Variants in KLHL13 observed in about 807,000 individuals in gnomAD.
KLHL13 encodes kelch-like protein 13.
Under a neutral mutation model 37.1 loss-of-function variants are expected in KLHL13, and 10 were observed. The observed-to-expected ratio is 0.27, with a 90% CI of 0.17 to 0.46. The LOEUF (loss-of-function observed/expected upper bound fraction) is 0.46. Ranked by LOEUF, KLHL13 falls within the 20% of genes least tolerant of loss-of-function variation. KLHL13 has a pLI of 1.00. For missense variants in KLHL13, 360 were observed against 509.3 expected, an observed-to-expected ratio of 0.71 and a Z score of 2.82; for synonymous variants, 163 against 181.2, an observed-to-expected ratio of 0.90 and a Z score of 0.81.
chrX:117,973,888 G>A, upstream of KLHL13: 1 of 187,707 alleles, frequency 5.3e-6, no homozygotes, highest in Non-Finnish European at 7.5e-6. Context: ...GACCAACACT[G>A]CTGGCCAAGC....
intron 2 of KLHL13, among the ~76,000 whole-genome samples, chrX:117,923,655 T>C (rs1000075131): frequency 8.9e-6 from 1 of 111,825 alleles, no homozygotes; most frequent in Non-Finnish European, 1.9e-5. Context: ...CATATTACTT[T>C]TTTTTCCCTC....
chrX:117,978,537 C>A (rs2053619772), upstream of KLHL13, among the ~76,000 whole-genome samples: 1 of 111,003 alleles, frequency 9.0e-6, no homozygotes, highest in Non-Finnish European at 1.9e-5. Flanking sequence ...TTACATAATA[C>A]TTTTTATAGT....
intron 1 of KLHL13, among the ~76,000 whole-genome samples, chrX:117,987,913 T>C (rs1401370818): frequency 1.8e-5 from 2 of 111,886 alleles, no homozygotes; most frequent in African/African-American, 3.2e-5. Flanking sequence ...AGTTGGTGAA[T>C]GTGCCACATT....
At chrX:117,904,092 G>A (rs942460422) in intron 5 of KLHL13, among the ~76,000 whole-genome samples, 4 of 110,299 alleles carry the variant, frequency 3.6e-5, no homozygotes, top group African/African-American at 9.9e-5. Context: ...TCACACAGGA[G>A]GCCCTCAGTT....
intron 1 of KLHL13, among the ~76,000 whole-genome samples, chrX:118,069,970 T>A (rs1457303204): frequency 8.9e-6 from 1 of 111,992 alleles, no homozygotes; most frequent in African/African-American, 3.2e-5. Flanking sequence ...TATACCATAT[T>A]TTACCATACC....
intron 1 of KLHL13, among the ~76,000 whole-genome samples, chrX:118,037,890 C>G (rs1011302559): frequency 2.7e-5 from 3 of 111,369 alleles, no homozygotes; most frequent in African/African-American, 9.8e-5. Flanking sequence ...ATGAGGATAG[C>G]CAGAGTGAAC....
At chrX:118,035,450 A>G (rs2054425590) in intron 1 of KLHL13, among the ~76,000 whole-genome samples, 1 of 109,934 alleles carries the variant, frequency 9.1e-6, no homozygotes. Flanking sequence ...ACGCAAATCA[A>G]TAAATGTAAT....
chrX:117,901,767 T>C (rs1930108029), intron 6 of KLHL13, 66 bp downstream of exon 7: 1 of 521,118 alleles, frequency 1.9e-6, no homozygotes, highest in African/African-American at 2.4e-5. Flanking sequence ...ACTACCACTA[T>C]ATGGAAAGAT....
chrX:118,054,401 T>C (rs1418022662), intron 1 of KLHL13, among the ~76,000 whole-genome samples: 5 of 111,475 alleles, frequency 4.5e-5, no homozygotes, highest in Non-Finnish European at 9.4e-5. Context: ...GCAAGCAGCA[T>C]TTTTATAACA....
chrX:118,086,590 T>G (rs752983002), intron 1 of KLHL13, among the ~76,000 whole-genome samples: 47 of 112,176 alleles, frequency 4.2e-4, no homozygotes, highest in Non-Finnish European at 7.5e-4. Flanking sequence ...ATAGAAATAT[T>G]TATAATATAA....
chrX:118,110,774 C>A (rs1386135604), intron 1 of KLHL13, among the ~76,000 whole-genome samples: 1 of 111,610 alleles, frequency 9.0e-6, no homozygotes, highest in African/African-American at 3.3e-5. Context: ...TAAATAAGTT[C>A]TTAACTGAAT....
At position 117,908,066 on chromosome X, in the gene KLHL13, A is replaced by ATTATTTAT. The variant is rs78358758; in HGVS notation, c.1366+1227_1366+1234dup. ...CCTGGAATTGGTCAACTACAAGGAC[A>ATTATTTAT]TTATTTATTTATTTATTTATTTATT... On this transcript the variant is annotated intron_variant, in intron 5 of 6. Transcript: ENST00000262820. 2.8e-3 allele frequency among the ~76,000 whole-genome samples: 281 copies of ATTATTTAT among 99,209 alleles called. 1 individual carries two copies. The highest frequency in any genetic ancestry group is 5.1e-3 in the East Asian group (17 of 3,341). 86.2% of individuals were successfully genotyped at this position (99,209 alleles called of 115,157 possible). A position where few individuals can be genotyped will look rare whatever the true frequency, so the allele number is the denominator to read the frequency against.
intron 1 of KLHL13, among the ~76,000 whole-genome samples, chrX:118,023,655 G>A (rs1028551854): frequency 9.0e-6 from 1 of 111,245 alleles, no homozygotes; most frequent in Non-Finnish European, 1.9e-5. Flanking sequence ...TGCAACCTCC[G>A]CCTCCCAGGT....
chrX:117,909,190 TA>T, intron 5 of KLHL13, 110 bp downstream of exon 6: 1 of 667,148 alleles, frequency 1.5e-6, no homozygotes, highest in Non-Finnish European at 2.2e-6. Flanking sequence ...AGTTTTAAAA[TA>T]AAACCCTAAC....
rs544019985 is a variant in KLHL13, at chrX:118,051,190, TA to T, written c.-56+65317del. 3.4e-3 allele frequency among the ~76,000 whole-genome samples: 320 copies of T among 94,720 alleles called. 1 individual carries two copies. The highest frequency in any genetic ancestry group is 1.0e-2 in the African/African-American group (259 of 25,996). 82.3% of individuals were successfully genotyped at this position (94,720 alleles called of 115,157 possible). On this transcript the variant is annotated intron_variant, in intron 1 of 6. Transcript: ENST00000371882. The stretch of plus-strand genomic sequence containing the variant: ...ACCTACCTGAGAGCAGCAAAGTTTG[TA>T]AAAAAAAAAAAAACTTACAAATGTG...
chrX:117,933,837 C>T (rs1390665871), intron 2 of KLHL13, among the ~76,000 whole-genome samples: 9 of 110,596 alleles, frequency 8.1e-5, no homozygotes, highest in Non-Finnish European at 1.9e-5. Context: ...ATATTTATAA[C>T]AGATAAAATG....
chrX:118,001,329 G>A lies in KLHL13; in HGVS notation c.-55-55754C>T, dbSNP rs1006868208. ...GTTAAGATATTCTATGGCTCCTGCAGGCCATGGATAGATGATATTTAAGCA... is the reference window on the plus strand; with the variant it reads ...GTTAAGATATTCTATGGCTCCTGCAAGCCATGGATAGATGATATTTAAGCA... On this transcript the variant is annotated intron_variant, in intron 1 of 6. Coordinates refer to the KLHL13 transcript ENST00000371882. Among the ~76,000 whole-genome samples the A allele has an allele frequency of 4.5e-5, 5 of 111,746 alleles. No individual in the cohort carries two copies. In the East Asian group the frequency reaches 1.4e-3, roughly 31 times the overall value.
chrX:117,975,852 C>T (rs984259122), upstream of KLHL13, among the ~76,000 whole-genome samples: 1 of 111,709 alleles, frequency 9.0e-6, no homozygotes, highest in African/African-American at 3.3e-5. Context: ...AGGGAACCAC[C>T]ACAAACAAGT....
At chrX:118,106,717 T>C (rs1170714030) in intron 1 of KLHL13, among the ~76,000 whole-genome samples, 5 of 111,708 alleles carry the variant, frequency 4.5e-5, no homozygotes, top group Non-Finnish European at 9.4e-5. Flanking sequence ...TTGTCTGACA[T>C]TGGAACTAAA....
Sources: gnomAD v4.1 joint callset for allele counts (sites outside exome capture counted in the v4.1 genomes callset) on GRCh38, gnomAD v4.1.1 for gene constraint, MANE v1.5 for transcripts, NCBI Gene and HGNC (gene_info 2026-07-23, HGNC 2026-07-21) for gene names.